Variants in RNF152 observed in about 807,000 individuals in gnomAD.
RNF152 encodes the protein E3 ubiquitin-protein ligase RNF152.
A neutral mutation model predicts 12.7 loss-of-function variants in RNF152; 11 were observed. The ratio of observed to expected loss-of-function variants is 0.86; its 90% CI spans 0.54 to 1.43. The LOEUF (loss-of-function observed/expected upper bound fraction) is 1.43. Ranked by LOEUF, RNF152 falls within the 40% of genes most tolerant of loss-of-function variation. RNF152 has a pLI of 0.00. For synonymous variants in RNF152, 113 were observed against 120.3 expected (o/e 0.94, Z 0.40); for missense variants, 255 against 274.8 (o/e 0.93, Z 0.51).
chr18:61,886,895 G>A (rs1165350872), intron 1 of RNF152, among the ~76,000 whole-genome samples: 3 of 152,230 alleles, frequency 2.0e-5, no homozygotes, highest in Non-Finnish European at 4.4e-5. Flanking sequence ...AATTTTGCCA[G>A]AGAACTTTGG....
intron 1 of RNF152, among the ~76,000 whole-genome samples, chr18:61,887,460 T>G (rs1568297703): frequency 6.6e-6 from 1 of 152,196 alleles, no homozygotes. Flanking sequence ...GGCTCACGCC[T>G]GTAATTCCAG....
chr18:61,858,877 A>C (rs949579966), intron 1 of RNF152, among the ~76,000 whole-genome samples: 3 of 152,220 alleles, frequency 2.0e-5, no homozygotes, highest in Non-Finnish European at 4.4e-5. Flanking sequence ...GATGTGCTTA[A>C]GTTTGGTCAG....
At chr18:61,863,744 T>C (rs960627590) in intron 1 of RNF152, among the ~76,000 whole-genome samples, 7 of 152,136 alleles carry the variant, frequency 4.6e-5, no homozygotes, top group Non-Finnish European at 7.3e-5. Flanking sequence ...GGTGGGGGCA[T>C]TACACACTAA....
rs929435885 is a variant in RNF152 at position 61,810,019 on chromosome 18, C to T, written c.*5833G>A. 9 of 152,154 alleles carry T rather than the reference C, an allele frequency of 5.9e-5. No homozygotes were observed. Among genetic ancestry groups the T allele is most frequent in the African/African-American group, 1.9e-4 (8 of 41,426 alleles). The allele number at this position is 152,154 out of a possible 1,614,324, so 9.4% of individuals were successfully genotyped here. A position where few individuals can be genotyped will look rare whatever the true frequency, so the allele number is the denominator to read the frequency against. ...ATTTGGAAGAAATTAAATGCCCCAC[C>T]TGCTTAAGTTCTTCAATGATTAATG... is the stretch of plus-strand genomic sequence containing the variant. On this transcript the variant is annotated 3_prime_UTR_variant, in exon 2 of 2. Transcript: ENST00000312828.
chr18:61,830,989 A>G (rs1249870829), intron 1 of RNF152, among the ~76,000 whole-genome samples: 2 of 152,250 alleles, frequency 1.3e-5, no homozygotes, highest in African/African-American at 4.8e-5. Context: ...TTTTATTTAT[A>G]TGAAGTTATA....
intron 1 of RNF152, among the ~76,000 whole-genome samples, chr18:61,836,271 G>A (rs1288494650): frequency 6.6e-6 from 1 of 152,054 alleles, no homozygotes; most frequent in East Asian, 1.9e-4. Context: ...CCAGGAGCCA[G>A]CTCACAGTGG....
At chr18:61,866,722 C>A (rs1911750038) in intron 1 of RNF152, among the ~76,000 whole-genome samples, 1 of 152,240 alleles carries the variant, frequency 6.6e-6, no homozygotes, top group East Asian at 1.9e-4. Context: ...CCATTCACTA[C>A]TTCCTCCCAA....
chr18:61,886,272 A>T (rs1248740000), intron 1 of RNF152, among the ~76,000 whole-genome samples: 1 of 152,086 alleles, frequency 6.6e-6, no homozygotes, highest in Non-Finnish European at 1.5e-5. Flanking sequence ...AAATCACTGT[A>T]AGTCAAAATC....
intron 1 of RNF152, among the ~76,000 whole-genome samples, chr18:61,871,907 A>G (rs76623361): frequency 0.032 from 4,854 of 152,294 alleles, 267 homozygotes; most frequent in African/African-American, 0.11. Context: ...GGGAGCCTCC[A>G]AGAAAGGATC....
Position 61,813,608 on chromosome 18 carries a change from T to A in RNF152, c.*2244A>T, listed in dbSNP as rs1294760893. 1 of 152,240 alleles carries A rather than the reference T, an allele frequency of 6.6e-6. No homozygotes were observed. Among genetic ancestry groups the A allele is most frequent in the Non-Finnish European group, 1.5e-5 (1 of 68,046 alleles). The allele number at this position is 152,240 out of a possible 1,614,324, so 9.4% of individuals were successfully genotyped here. Reference sequence around the variant, plus strand: ...CTATCATCACACACATTAGTGTCTATATCTAACCTACTTTAACAAGTAGAA... The same window carrying A: ...CTATCATCACACACATTAGTGTCTAAATCTAACCTACTTTAACAAGTAGAA... On this transcript the variant is annotated 3_prime_UTR_variant, in exon 2 of 2. Transcript: ENST00000312828.
intron 1 of RNF152, among the ~76,000 whole-genome samples, chr18:61,857,796 G>T (rs919785719): frequency 3.9e-5 from 6 of 152,136 alleles, no homozygotes; most frequent in Non-Finnish European, 5.9e-5. Context: ...CCTCAGTCCT[G>T]TTAATCAATA....
intron 1 of RNF152, among the ~76,000 whole-genome samples, chr18:61,849,486 A>G (rs148513320): frequency 6.6e-6 from 1 of 152,206 alleles, no homozygotes; most frequent in Non-Finnish European, 1.5e-5. Context: ...CTTTCCCCCA[A>G]CAGCCACACG....
intron 1 of RNF152, among the ~76,000 whole-genome samples, chr18:61,832,420 C>T (rs537721682): frequency 5.3e-5 from 8 of 152,190 alleles, no homozygotes; most frequent in African/African-American, 1.9e-4. Context: ...ATTTTAGTTA[C>T]AGTAATTAAG....
chr18:61,887,675 C>A (rs193219406), intron 1 of RNF152, among the ~76,000 whole-genome samples: 1 of 147,686 alleles, frequency 6.8e-6, no homozygotes, highest in East Asian at 2.0e-4. Context: ...GCACTCCAGC[C>A]TGGGTGACAG....
chr18:61,867,950 A>G (rs79978522), intron 1 of RNF152, among the ~76,000 whole-genome samples: 4,851 of 152,290 alleles, frequency 0.032, 268 homozygotes, highest in African/African-American at 0.11. Flanking sequence ...AACCTTAAAC[A>G]AATATGCTAG....
In RNF152 at chr18:61,809,072, T is replaced by G. The variant is rs1395428452; in HGVS notation, c.*6780A>C. 1.3e-5 allele frequency: 2 copies of G among 152,474 alleles called. No individual in the cohort carries two copies. The highest frequency in any genetic ancestry group is 3.9e-4 in the East Asian group (2 of 5,190). The allele number at this position is 152,474 out of a possible 1,614,324, so 9.4% of individuals were successfully genotyped here. ...CCTGTGCTTCTTTCTCCAGCTGGTT[T>G]CTGCCATATCTGGCCTTCAGCTCCT... On this transcript the variant is annotated 3_prime_UTR_variant, in exon 2 of 2. Coordinates refer to ENST00000312828, the MANE Select transcript of RNF152 (RefSeq NM_173557.3).
chr18:61,857,057 T>C (rs1361968349), intron 1 of RNF152, among the ~76,000 whole-genome samples: 1 of 152,144 alleles, frequency 6.6e-6, no homozygotes, highest in African/African-American at 2.4e-5. Context: ...GTCAAAACTC[T>C]AGAGTGAATA....
In RNF152 at chr18:61,815,959, C is replaced by A. The variant is rs1032459775; in HGVS notation, c.505G>T (p.Val169Leu). The change falls in exon 2 of 2, where the codon GTG becomes TTG. Residue 169 changes from valine to leucine, a missense_variant. Val to Leu is a conservative substitution (Grantham distance 32). Coordinates refer to ENST00000312828, the MANE Select transcript of RNF152 (RefSeq NM_173557.3). The part of the protein sequence containing the change: ...GVVKSSTWSG[V>L]CTVILVACVL... ...CAAGCCACCAAGATGACAGTGCACA[C>A]CCCCGACCAGGTGGAGCTTTTCACC... 1 of 1,614,124 alleles carries A rather than the reference C, an allele frequency of 6.2e-7. No homozygotes were observed. Among genetic ancestry groups the A allele is most frequent in the Non-Finnish European group, 8.5e-7 (1 of 1,180,048 alleles).
chr18:61,874,231 A>G (rs1336935199), intron 1 of RNF152, among the ~76,000 whole-genome samples: 1 of 152,246 alleles, frequency 6.6e-6, no homozygotes, highest in African/African-American at 2.4e-5. Flanking sequence ...TCGCTGCCGC[A>G]GTTTAACAGC....
Sources: gnomAD v4.1 joint callset for allele counts (sites outside exome capture counted in the v4.1 genomes callset) on GRCh38, gnomAD v4.1.1 for gene constraint, MANE v1.5 for transcripts, NCBI Gene and HGNC (gene_info 2026-07-23, HGNC 2026-07-21) for gene names.